The following TSPAN18 variants were observed in gnomAD, a reference collection of about 807,000 sequenced individuals.
TSPAN18 encodes tetraspanin-18.
A neutral mutation model predicts 27.3 loss-of-function variants in TSPAN18; 14 were observed. The ratio of observed to expected loss-of-function variants is 0.51; its 90% confidence interval spans 0.34 to 0.80. The LOEUF is 0.80. TSPAN18 is among the 30% of genes least tolerant of loss of function. The pLI is 0.01. For missense variants in TSPAN18, 268 were observed against 323.9 expected, an observed-to-expected ratio of 0.83 and a Z score of 1.32; for synonymous variants, 143 against 136.5, an observed-to-expected ratio of 1.05 and a Z score of -0.33.
intron 2 of TSPAN18, among the ~76,000 whole-genome samples, chr11:44,858,358 G>A (rs1336246181): frequency 6.6e-6 from 1 of 151,184 alleles, no homozygotes; most frequent in Non-Finnish European, 1.5e-5. Flanking sequence ...GTTATCAGGG[G>A]AATTAGAGGA....
rs373797235 is a variant in TSPAN18, at chr11:44,912,273, G to A, written c.258+2374G>A. Reference sequence around the variant, plus strand: ...CTGGGCTCAAATGATCCACCGCCTCGGCCTCTCAGAGTGTTGGGATTCCAG... The same window carrying A: ...CTGGGCTCAAATGATCCACCGCCTCAGCCTCTCAGAGTGTTGGGATTCCAG... On this transcript the variant is annotated intron_variant, in intron 5 of 9. Transcript: ENST00000520358. Among the ~76,000 whole-genome samples the A allele has an allele frequency of 6.6e-5, 10 of 152,118 alleles. No individual in the cohort carries two copies. In the South Asian group the frequency reaches 8.3e-4, roughly 13 times the overall value.
chr11:44,857,420 C>T (rs1287542751), intron 2 of TSPAN18, among the ~76,000 whole-genome samples: 1 of 152,240 alleles, frequency 6.6e-6, no homozygotes, highest in Admixed American at 6.5e-5. Flanking sequence ...CTGTGCTCTC[C>T]CCGCCTCCCC....
chr11:44,797,491 G>A (rs552706007), intron 2 of TSPAN18, among the ~76,000 whole-genome samples: 32 of 152,268 alleles, frequency 2.1e-4, no homozygotes, highest in Admixed American at 1.2e-3. Context: ...GGATGATGGC[G>A]GGGTGGGGAG....
intron 8 of TSPAN18, among the ~76,000 whole-genome samples, chr11:44,924,097 TTG>T (rs57394106): frequency 0.55 from 80,618 of 145,630 alleles, 23,587 homozygotes; most frequent in Non-Finnish European, 0.67. Flanking sequence ...CCTTCTGGGG[TTG>T]TGTGTGTGTG....
chr11:44,879,636 G>C (rs1276024041), intron 3 of TSPAN18, among the ~76,000 whole-genome samples: 4 of 152,268 alleles, frequency 2.6e-5, no homozygotes, highest in African/African-American at 9.6e-5. Context: ...AGCAGCTGGA[G>C]CTGGCTGGAA....
chr11:44,802,235 C>G (rs1188290501), intron 2 of TSPAN18, among the ~76,000 whole-genome samples: 1 of 151,434 alleles, frequency 6.6e-6, no homozygotes, highest in African/African-American at 2.4e-5. Flanking sequence ...GTCAGGAACC[C>G]TGCAGGAGAG....
At chr11:44,829,035 T>A (rs1198085625) in intron 2 of TSPAN18, among the ~76,000 whole-genome samples, 3 of 152,234 alleles carry the variant, frequency 2.0e-5, no homozygotes, top group African/African-American at 7.2e-5. Context: ...TTTATTGACT[T>A]AATTTTTAGA....
chr11:44,797,005 C>T (rs1034997949), intron 2 of TSPAN18, among the ~76,000 whole-genome samples: 1 of 152,168 alleles, frequency 6.6e-6, no homozygotes, highest in African/African-American at 2.4e-5. Context: ...CCTCACCCAA[C>T]TTCAGGTATT....
At position 44,857,048 on chromosome 11, in the gene TSPAN18, C is replaced by T. The variant is rs1176784026; in HGVS notation, c.-152-3280C>T. On this transcript the variant is annotated intron_variant, in intron 2 of 9. Transcript: ENST00000520358. ...TCATCGTGGATAATGGTGAAGAAAA[C>T]GAGATACCCAGGGGCTGCACAACAC... Among the ~76,000 whole-genome samples the T allele has an allele frequency of 1.1e-4, 16 of 152,184 alleles. 1 individual carries two copies. The Middle Eastern group carries it at 0.01, about 97-fold the overall frequency.
At chr11:44,884,436 A>G (rs1207935126) in intron 3 of TSPAN18, among the ~76,000 whole-genome samples, 4 of 152,238 alleles carry the variant, frequency 2.6e-5, no homozygotes, top group African/African-American at 9.6e-5. Context: ...GTTTTCAAAC[A>G]GGGCAGCAGC....
intron 2 of TSPAN18, among the ~76,000 whole-genome samples, chr11:44,776,713 C>T (rs546250934): frequency 6.6e-6 from 1 of 151,452 alleles, no homozygotes; most frequent in Admixed American, 6.5e-5. Flanking sequence ...GCCTCAGTTC[C>T]CCGTCTATAA....
At chr11:44,757,415 A>G (rs941634750) in intron 1 of TSPAN18, among the ~76,000 whole-genome samples, 6 of 152,072 alleles carry the variant, frequency 3.9e-5, no homozygotes, top group Non-Finnish European at 8.8e-5. Context: ...ACAGGGTCTC[A>G]TTCTGTTGCC....
intron 2 of TSPAN18, among the ~76,000 whole-genome samples, chr11:44,856,720 A>G (rs1857748653): frequency 6.6e-6 from 1 of 152,166 alleles, no homozygotes; most frequent in African/African-American, 2.4e-5. Context: ...CATGTTGCTC[A>G]TGGTCTCCAG....
chr11:44,805,116 G>A (rs893367188), intron 2 of TSPAN18, among the ~76,000 whole-genome samples: 3 of 152,226 alleles, frequency 2.0e-5, no homozygotes, highest in Admixed American at 1.3e-4. Flanking sequence ...GGAGCAGCCG[G>A]CACTGGACGC....
intron 9 of TSPAN18, among the ~76,000 whole-genome samples, chr11:44,928,549 A>C (rs1860452697): frequency 6.6e-6 from 1 of 152,184 alleles, no homozygotes; most frequent in South Asian, 2.1e-4. Flanking sequence ...GCACTTTGGG[A>C]GGCCGAGGCA....
At chr11:44,756,473 T>C (rs1441679368) in intron 1 of TSPAN18, among the ~76,000 whole-genome samples, 1 of 152,202 alleles carries the variant, frequency 6.6e-6, no homozygotes, top group Non-Finnish European at 1.5e-5. Flanking sequence ...TTAAATACAT[T>C]CATAATGTTG....
chr11:44,918,290 C>T (rs112859596), intron 6 of TSPAN18, among the ~76,000 whole-genome samples: 14 of 152,370 alleles, frequency 9.2e-5, no homozygotes, highest in African/African-American at 3.4e-4. Context: ...AACCCCATAC[C>T]TTATTCTGGA....
chr11:44,748,349 G>C (rs1435201655), intron 1 of TSPAN18, among the ~76,000 whole-genome samples: 1 of 151,254 alleles, frequency 6.6e-6, no homozygotes, highest in Non-Finnish European at 1.5e-5. Context: ...AATGAGTTGA[G>C]ATTGCACCAC....
At chr11:44,733,445 C>T (rs1398528080) in intron 1 of TSPAN18, among the ~76,000 whole-genome samples, 1 of 152,164 alleles carries the variant, frequency 6.6e-6, no homozygotes, top group Admixed American at 6.5e-5. Context: ...ATAAGCCAGG[C>T]CCTGGATCTT....
Sources: allele counts gnomAD v4.1 joint callset (sites outside exome capture counted in the v4.1 genomes callset), GRCh38; gene constraint gnomAD v4.1.1; transcripts MANE v1.5; gene names NCBI Gene and HGNC (gene_info 2026-07-23, HGNC 2026-07-21).